TRIM65: variants seen among roughly 807,000 people sequenced by gnomAD.
The protein encoded by TRIM65 is tripartite motif containing 65.
A neutral mutation model predicts 36.1 loss-of-function variants in TRIM65; 46 were observed. The observed-to-expected ratio is 1.27, with a 90% CI of 1.01 to 1.63. The LOEUF is 1.63. TRIM65 is among the 40% of genes most tolerant of loss of function. The pLI is 0.00. For missense variants in TRIM65, 708 were observed against 696.6 expected (o/e 1.02, Z -0.18); for synonymous variants, 346 against 313.6 (o/e 1.10, Z -1.09).
chr17:75,893,256 G>C (rs900946995), intron 1 of TRIM65, among the ~76,000 whole-genome samples: 1 of 152,182 alleles, frequency 6.6e-6, no homozygotes, highest in African/African-American at 2.4e-5. Flanking sequence ...CACTAAAGCC[G>C]TTGGTCCCTG....
downstream of TRIM65, among the ~76,000 whole-genome samples, chr17:75,884,923 G>T (rs1203068183): frequency 4.0e-5 from 6 of 148,686 alleles, no homozygotes; most frequent in African/African-American, 1.5e-4. Context: ...GAGCCACCTC[G>T]CCCCACTTGA....
At chr17:75,880,914 C>T (rs1720691836) in intron 4 of TRIM65, among the ~76,000 whole-genome samples, 1 of 150,440 alleles carries the variant, frequency 6.6e-6, no homozygotes, top group South Asian at 2.1e-4. Context: ...GAAGGCACTT[C>T]ATGAGTTCAG....
intron 4 of TRIM65, 35 bp downstream of exon 4, chr17:75,891,976 C>T: frequency 6.4e-7 from 1 of 1,553,822 alleles, no homozygotes; most frequent in Non-Finnish European, 8.7e-7. Flanking sequence ...CAGCTGGACC[C>T]AGGACAGCAG....
intron 1 of TRIM65, among the ~76,000 whole-genome samples, chr17:75,895,335 GCC>G (rs1420837664): frequency 2.0e-5 from 3 of 151,912 alleles, no homozygotes; most frequent in Non-Finnish European, 4.4e-5. Flanking sequence ...GCCCCCTTCA[GCC>G]CCCAGCCAGG....
At chr17:75,880,000 C>T (rs1346621664), downstream of TRIM65, among the ~76,000 whole-genome samples, 6 of 150,558 alleles carry the variant, frequency 4.0e-5, no homozygotes, top group East Asian at 9.6e-4. Context: ...GTGATCCACC[C>T]GCCTCGGCCT....
At position 75,892,517 on chromosome 17, in the gene TRIM65, G is replaced by A. The variant is rs878986145; in HGVS notation, c.511-17C>T. 3.7e-6 allele frequency: 6 copies of A among 1,607,544 alleles called. No individual in the cohort carries two copies. Among genetic ancestry groups the A allele is most frequent in the Admixed American group, 3.4e-5 (2 of 59,640 alleles). On this transcript the variant is annotated splice_polypyrimidine_tract_variant and intron_variant, in intron 2 of 5. Transcript: ENST00000269383. ...GGCCGAGTTCTGGGCGGGAACAGGA[G>A]GGGCTTCAGGGTGGCCAGGGCCCTG...
At position 75,892,258 on chromosome 17, in the gene TRIM65, C is replaced by G. The variant is rs780235478; in HGVS notation, c.744+9G>C. ...GCAAGTCCGCCACCTATGCCCTGAG[C>G]CCTCGCACCTGCAGGAAGGTCTGCT... is the stretch of plus-strand genomic sequence containing the variant. On this transcript the variant is annotated intron_variant, in intron 3 of 5. Transcript: ENST00000269383. 6.2e-7 allele frequency: 1 copy of G among 1,607,550 alleles called. No individual in the cohort carries two copies. The highest frequency in any genetic ancestry group is 2.2e-5 in the East Asian group (1 of 44,692).
chr17:75,896,580 G>GCACGGTGCA lies in TRIM65; in HGVS notation c.349_357dup (p.Cys117_Val119dup). 7.3e-7 allele frequency: 1 copy of GCACGGTGCA among 1,361,140 alleles called. No individual in the cohort carries two copies. The highest frequency in any genetic ancestry group is 9.4e-7 in the Non-Finnish European group (1 of 1,058,714). 84.3% of individuals were successfully genotyped at this position (1,361,140 alleles called of 1,614,324 possible). On this transcript the variant is annotated inframe_insertion, in exon 1 of 6. Transcript: ENST00000269383. Reference sequence around the variant, plus strand: ...GCCCGCTCGTGGAGGCGACACTCGCGCACGGTGCACACGCTGCACACACAG... The same window carrying GCACGGTGCA: ...GCCCGCTCGTGGAGGCGACACTCGCGCACGGTGCACACGGTGCACACGCTGCACACACAG...
At position 75,891,154 on chromosome 17, in the gene TRIM65, G is replaced by A; in HGVS notation, c.1179C>T (p.His393=). ...HHYWEVRASD[H]SVTLGVSYPQ... Reference sequence around the variant, plus strand: ...GGTAGGAGACGCCCAGTGTCACCGAGTGGTCTGACGCGCGCACCTCCCAGT... The same window carrying A: ...GGTAGGAGACGCCCAGTGTCACCGAATGGTCTGACGCGCGCACCTCCCAGT... Residue 393 remains histidine (H), a synonymous_variant, in exon 6 of 6, where the codon CAC becomes CAT. Coordinates refer to ENST00000269383, the MANE Select transcript of TRIM65 (RefSeq NM_173547.4). 1 of 1,608,902 alleles carries A rather than the reference G, an allele frequency of 6.2e-7. No individual in the cohort carries two copies. Among genetic ancestry groups the A allele is most frequent in the Non-Finnish European group, 8.5e-7 (1 of 1,179,940 alleles).
In TRIM65 at chr17:75,891,278, T is replaced by A. The variant is rs1371849742; in HGVS notation, c.1055A>T (p.Gln352Leu). Reference sequence around the variant, plus strand: ...CCGGGACTGACGACAGTGCTTCACCTGCTGGTCCTGGCGCGACAGATAGAA... The same window carrying A: ...CCGGGACTGACGACAGTGCTTCACCAGCTGGTCCTGGCGCGACAGATAGAA... ...RHFYLSRQDQ[Q>L]VKHCRQSRGP... Residue 352 changes from glutamine (Q) to leucine (L), a missense_variant, in exon 6 of 6, where the codon CAG becomes CTG. By Grantham distance (113) the Gln-to-Leu change is moderately radical (BLOSUM62 -2). Coordinates refer to ENST00000269383, the MANE Select transcript of TRIM65 (RefSeq NM_173547.4). 1 of 1,612,956 alleles carries A rather than the reference T, an allele frequency of 6.2e-7. No individual in the cohort carries two copies. Among genetic ancestry groups the A allele is most frequent in the African/African-American group, 1.3e-5 (1 of 74,938 alleles).
chr17:75,887,980 C>A (rs887914964), downstream of TRIM65, among the ~76,000 whole-genome samples: 1 of 151,902 alleles, frequency 6.6e-6, no homozygotes, highest in African/African-American at 2.4e-5. Context: ...ACGGTGAAAC[C>A]CTGTCTCTAC....
Position 75,892,405 on chromosome 17 carries a change from G to T in TRIM65, c.606C>A (p.Ile202=), listed in dbSNP as rs147573058. 10 of 1,614,084 alleles carry T rather than the reference G, an allele frequency of 6.2e-6. No individual in the cohort carries two copies. The highest frequency in any genetic ancestry group is 1.3e-5 in the African/African-American group (1 of 75,062). ...CCAGCGCCTGCGTCTTGGCCACCTCGATGCTCCTCAGTGCTGTCGTGTGCT... is the reference window on the plus strand; with the variant it reads ...CCAGCGCCTGCGTCTTGGCCACCTCTATGCTCCTCAGTGCTGTCGTGTGCT... The part of the protein sequence containing the change: ...EIQHTTALRS[I]EVAKTQALAQ... Residue 202 remains isoleucine (I), a synonymous_variant, in exon 3 of 6, where the codon ATC becomes ATA. Coordinates refer to ENST00000269383, the MANE Select transcript of TRIM65 (RefSeq NM_173547.4).
rs544902684 is a variant in TRIM65 at position 75,894,710 on chromosome 17, T to C, written c.414+1814A>G. ...AGGCCTGGCTAATTTTTTGTATTTT[T>C]AGTAGAGACAGGGTTTCACCATGTT... is the stretch of plus-strand genomic sequence containing the variant. On this transcript the variant is annotated intron_variant, in intron 1 of 5. Coordinates refer to ENST00000269383, the MANE Select transcript of TRIM65 (RefSeq NM_173547.4). 6.6e-5 allele frequency among the ~76,000 whole-genome samples: 10 copies of C among 152,308 alleles called. No individual in the cohort carries two copies. The East Asian group carries it at 1.7e-3, about 27-fold the overall frequency.
At chr17:75,886,533 A>C (rs944800429), downstream of TRIM65, among the ~76,000 whole-genome samples, 15 of 151,862 alleles carry the variant, frequency 9.9e-5, no homozygotes, top group East Asian at 2.0e-4. Flanking sequence ...AAAAAAAAAA[A>C]AAAAAAAAAC....
intron 1 of TRIM65, 51 bp downstream of exon 1, chr17:75,896,473 G>T: frequency 7.8e-7 from 1 of 1,288,090 alleles, no homozygotes; most frequent in South Asian, 2.1e-5. Context: ...ACCCGGCGGT[G>T]GCCAGGCTGC....
At chr17:75,884,204 T>A (rs1186657570), downstream of TRIM65, among the ~76,000 whole-genome samples, 1 of 152,058 alleles carries the variant, frequency 6.6e-6, no homozygotes, top group Non-Finnish European at 1.5e-5. Flanking sequence ...GCGCCTGTAA[T>A]CCCAGCACTT....
At position 75,891,999 on chromosome 17, in the gene TRIM65, G is replaced by A. The variant is rs996821312; in HGVS notation, c.919+12C>T. On this transcript the variant is annotated intron_variant, in intron 4 of 5. Coordinates refer to ENST00000269383, the MANE Select transcript of TRIM65 (RefSeq NM_173547.4). ...CCCAGGACAGCAGGGGGAGGCCTGGGGTCAGTCTTACCCACGGGGGCTAAG... is the reference window on the plus strand; with the variant it reads ...CCCAGGACAGCAGGGGGAGGCCTGGAGTCAGTCTTACCCACGGGGGCTAAG... 3 of 1,551,888 alleles carry A rather than the reference G, an allele frequency of 1.9e-6. No homozygotes were observed. The highest frequency in any genetic ancestry group is 1.7e-4 in the Middle Eastern group (1 of 5,980).
rs56362074 is a variant in TRIM65, at chr17:75,896,617, C to T, written c.321G>A (p.Arg107=). Residue 107 remains arginine (R), a synonymous_variant, in exon 1 of 6, where the codon CGG becomes CGA. Transcript: ENST00000269383. ...RHGRPLELFC[R]TEGRCVCSVC... ...CGCTGCACACACAGCGGCCCTCGGT[C>T]CGGCAGAAGAGCTCCAGCGGCCGCC... is the stretch of plus-strand genomic sequence containing the variant. 589 of 1,255,372 alleles carry T rather than the reference C, an allele frequency of 4.7e-4. 1 individual carries two copies. The highest frequency in any genetic ancestry group is 3.5e-3 in the South Asian group (105 of 30,090). The allele number at this position is 1,255,372 out of a possible 1,614,324, so 77.8% of individuals were successfully genotyped here.
chr17:75,894,004 C>T (rs2065310423), intron 1 of TRIM65, among the ~76,000 whole-genome samples: 1 of 152,210 alleles, frequency 6.6e-6, no homozygotes, highest in Admixed American at 6.5e-5. Context: ...GAATGTCCCG[C>T]AACACTCTGG....
Sources: gnomAD v4.1 joint callset for allele counts (sites outside exome capture counted in the v4.1 genomes callset) on GRCh38, gnomAD v4.1.1 for gene constraint, MANE v1.5 for transcripts, NCBI Gene and HGNC (gene_info 2026-07-23, HGNC 2026-07-21) for gene names.